RAD51D: variants seen among roughly 807,000 people sequenced by gnomAD.
The protein encoded by RAD51D is DNA repair protein RAD51 homolog 4.
RAD51D carries 38 observed loss-of-function variants against 44.1 expected under a neutral mutation model. The observed-to-expected ratio is 0.86, with a 90% CI of 0.67 to 1.13. The LOEUF (loss-of-function observed/expected upper bound fraction) is 1.13, where lower values mean the gene tolerates loss of function less well. Ranked by LOEUF, RAD51D falls within the 50% of genes most tolerant of loss-of-function variation. The pLI, the probability that RAD51D is intolerant of heterozygous loss-of-function variation, is 0.00. For synonymous variants in RAD51D, 141 were observed against 166.6 expected, an observed-to-expected ratio of 0.85 and a Z score of 1.18; for missense variants, 390 against 414.0, an observed-to-expected ratio of 0.94 and a Z score of 0.50.
At chr17:35,116,974 T>C (rs370773225) in intron 3 of RAD51D, 7 of 1,613,836 alleles carry the variant, frequency 4.3e-6, no homozygotes, top group Non-Finnish European at 5.9e-6. Context: ...CTCCACGATC[T>C]CCCTGCGGGG....
rs2091486341 is a variant in RAD51D at position 35,096,479 on chromosome 17, G to T, written c.*4474C>A. 6.6e-6 allele frequency: 1 copy of T among 152,190 alleles called. No individual in the cohort carries two copies. The highest frequency in any genetic ancestry group is 2.1e-4 in the South Asian group (1 of 4,830). The allele number at this position is 152,190 out of a possible 1,614,324, so 9.4% of individuals were successfully genotyped here. Reference sequence around the variant, plus strand: ...GCTTGAAGACAAAACCAACATAAAAGAACAGAGCAGAAGGATGCAAAGGCT... The same window carrying T: ...GCTTGAAGACAAAACCAACATAAAATAACAGAGCAGAAGGATGCAAAGGCT... On this transcript the variant is annotated 3_prime_UTR_variant, in exon 10 of 10. Transcript: ENST00000345365.
intron 3 of RAD51D, chr17:35,116,916 GT>G (rs2091756202): frequency 6.2e-7 from 1 of 1,608,514 alleles, no homozygotes; most frequent in African/African-American, 1.3e-5. Context: ...AAGTCCATCT[GT>G]TCCTCCATGC....
At chr17:35,108,025 T>C (rs899183845) in intron 3 of RAD51D, among the ~76,000 whole-genome samples, 1 of 151,890 alleles carries the variant, frequency 6.6e-6, no homozygotes, top group East Asian at 1.9e-4. Context: ...GCTGCAATTA[T>C]AGGCGTGAGT....
At position 35,118,638 on chromosome 17, in the gene RAD51D, C is replaced by T; in HGVS notation, c.145-19G>A. ...CCAGGGCCTGCCAAAGGGCCCCAGA[C>T]TGCTCAGCAACAAATTGCCCGTAGA... is the stretch of plus-strand genomic sequence containing the variant. On this transcript the variant is annotated intron_variant, in intron 2 of 9. Coordinates refer to ENST00000345365, the MANE Select transcript of RAD51D (RefSeq NM_002878.4). 2 of 1,598,220 alleles carry T rather than the reference C, an allele frequency of 1.3e-6. No individual in the cohort carries two copies. Among genetic ancestry groups the T allele is most frequent in the South Asian group, 2.2e-5 (2 of 90,770 alleles).
chr17:35,115,956 G>GGAAAGAAAGAAAGAAAGAAGGAAA (rs2091736044), intron 3 of RAD51D, among the ~76,000 whole-genome samples: 2 of 65,282 alleles, frequency 3.1e-5, no homozygotes, highest in African/African-American at 6.0e-5. Flanking sequence ...AAGGAAGAAA[G>GGAAAGAAAGAAAGAAAGAAGGAAA]GAAAGAAAGA....
chr17:35,101,308 G>A lies in RAD51D; in HGVS notation c.796C>T (p.Arg266Cys), dbSNP rs587781813. The change falls in exon 9 of 10, where the codon CGC (arginine) becomes TGC (cysteine). Residue 266 changes from arginine (R) to cysteine (C), a missense_variant. Arg to Cys is a radical substitution (Grantham distance 180, BLOSUM62 -3). Coordinates refer to ENST00000345365, the MANE Select transcript of RAD51D (RefSeq NM_002878.4). ...GTGCTGGGCACAAAGCTCCAGGAGCGTCCGAGGGCAGGTTTGAGCCTCCCG... is the reference window on the plus strand; with the variant it reads ...GTGCTGGGCACAAAGCTCCAGGAGCATCCGAGGGCAGGTTTGAGCCTCCCG... ...DSGRLKPALG[R>C]SWSFVPSTRI... 1.1e-4 allele frequency: 185 copies of A among 1,614,150 alleles called. 1 individual carries two copies. Among genetic ancestry groups the A allele is most frequent in the South Asian group, 8.1e-4 (74 of 91,088 alleles).
At position 35,119,345 on chromosome 17, in the gene RAD51D, G is replaced by T. The variant is rs1464917860; in HGVS notation, c.83-173C>A. ...CGGCGCGGTGCCCTGCACACAGTAG[G>T]AATCTCTACCCTGTTTTAGAGCTTG... On this transcript the variant is annotated intron_variant, in intron 1 of 9. Transcript: ENST00000345365. 20 of 893,514 alleles carry T rather than the reference G, an allele frequency of 2.2e-5. No individual in the cohort carries two copies. The Admixed American group carries it at 2.9e-4, about 13-fold the overall frequency. 55.3% of individuals were successfully genotyped at this position (893,514 alleles called of 1,614,324 possible). A position where few individuals can be genotyped will look rare whatever the true frequency, so the allele number is the denominator to read the frequency against.
rs1227023113 is a variant in RAD51D at position 35,119,786 on chromosome 17, A to G, written c.-173T>C. 32 of 732,682 alleles carry G rather than the reference A, an allele frequency of 4.4e-5. No homozygotes were observed. The highest frequency in any genetic ancestry group is 7.4e-5 in the Non-Finnish European group (31 of 417,158). 45.4% of individuals were successfully genotyped at this position (732,682 alleles called of 1,614,324 possible). On this transcript the variant is annotated 5_prime_UTR_variant, in exon 1 of 10. The change abolishes an upstream ATG in the 5' untranslated region. Coordinates refer to ENST00000345365, the MANE Select transcript of RAD51D (RefSeq NM_002878.4). ...GGCACCAAGGGTAGGGCTGGGGGTC[A>G]TCCGCCCGCCCGGGATCCGCCGGGA...
At chr17:35,107,189 A>T (rs2142434898) in intron 4 of RAD51D, 67 bp from the exon 5 acceptor site, 1 of 1,590,882 alleles carries the variant, frequency 6.3e-7, no homozygotes, top group Non-Finnish European at 8.6e-7. Context: ...TCCCCACCAA[A>T]CCTTGCCCAG....
rs2091469912 is a variant in RAD51D at position 35,093,650 on chromosome 17, A to G, written c.*7303T>C. On this transcript the variant is annotated 3_prime_UTR_variant, in exon 10 of 10. Transcript: ENST00000345365. ...AGAGCAGCTACGTGGAACCTAAGGC[A>G]TCTAACTCAGTAAAATATTGTAAAT... 6.6e-6 allele frequency: 1 copy of G among 152,252 alleles called. No homozygotes were observed. The highest frequency in any genetic ancestry group is 2.1e-4 in the South Asian group (1 of 4,828). 9.4% of individuals were successfully genotyped at this position (152,252 alleles called of 1,614,324 possible). A position where few individuals can be genotyped will look rare whatever the true frequency, so the allele number is the denominator to read the frequency against.
At position 35,096,327 on chromosome 17, in the gene RAD51D, T is replaced by C. The variant is rs1393118711; in HGVS notation, c.*4626A>G. 6.6e-6 allele frequency: 1 copy of C among 152,150 alleles called. No homozygotes were observed. Among genetic ancestry groups the C allele is most frequent in the Non-Finnish European group, 1.5e-5 (1 of 68,030 alleles). The allele number at this position is 152,150 out of a possible 1,614,324, so 9.4% of individuals were successfully genotyped here. A position where few individuals can be genotyped will look rare whatever the true frequency, so the allele number is the denominator to read the frequency against. ...TGGGATTACAGTCAGGAGCCACAGT[T>C]CCTGGCATGTTAACACCTTGTTCTT... On this transcript the variant is annotated 3_prime_UTR_variant, in exon 10 of 10. Transcript: ENST00000345365.
At chr17:35,107,301 G>A (rs2142435582) in intron 4 of RAD51D, 65 bp downstream of exon 4, 2 of 1,483,980 alleles carry the variant, frequency 1.3e-6, no homozygotes, top group Non-Finnish European at 1.9e-6. Flanking sequence ...CTCCCCCAGG[G>A]ACCCTGGGCT....
intron 3 of RAD51D, among the ~76,000 whole-genome samples, chr17:35,115,995 A>AAGAAAGAAAGAAAG (rs2091739718): frequency 1.3e-5 from 2 of 151,574 alleles, no homozygotes; most frequent in African/African-American, 4.8e-5. Context: ...GAAAGAAAGA[A>AAGAAAGAAAGAAAG]AGAAAGAAAG....
At chr17:35,104,371 T>A (rs2091574303) in intron 6 of RAD51D, among the ~76,000 whole-genome samples, 2 of 152,208 alleles carry the variant, frequency 1.3e-5, no homozygotes, top group African/African-American at 4.8e-5. Flanking sequence ...TCATCTTCCG[T>A]ATCTAAAATG....
At chr17:35,108,118 G>A (rs1479468346) in intron 3 of RAD51D, among the ~76,000 whole-genome samples, 1 of 151,086 alleles carries the variant, frequency 6.6e-6, no homozygotes, top group East Asian at 2.0e-4. Context: ...GGTGGCACAC[G>A]CCTGTAGTCC....
intron 3 of RAD51D, chr17:35,117,160 C>A: frequency 9.2e-7 from 1 of 1,082,790 alleles, no homozygotes; most frequent in Non-Finnish European, 1.3e-6. Flanking sequence ...TCCCCTACAC[C>A]CAACTAGAGG....
intron 3 of RAD51D, among the ~76,000 whole-genome samples, chr17:35,112,691 G>A (rs185833418): frequency 2.0e-4 from 30 of 152,274 alleles, no homozygotes; most frequent in Admixed American, 1.3e-3. Flanking sequence ...AAATGGTAGT[G>A]TTTTTTATTT....
intron 3 of RAD51D, chr17:35,113,593 TC>T (rs2142455082): frequency 2.3e-6 from 1 of 443,664 alleles, no homozygotes; most frequent in Non-Finnish European, 4.5e-6. Flanking sequence ...TTCCAGGGAC[TC>T]CCCATGATTA....
intron 3 of RAD51D, among the ~76,000 whole-genome samples, chr17:35,117,913 T>C (rs1405177088): frequency 3.3e-5 from 5 of 152,208 alleles, no homozygotes; most frequent in African/African-American, 7.2e-5. Context: ...CTTGCTCCTC[T>C]TAGGCTAAAC....
Sources: gnomAD v4.1 joint callset for allele counts (sites outside exome capture counted in the v4.1 genomes callset) on GRCh38, gnomAD v4.1.1 for gene constraint, MANE v1.5 for transcripts, NCBI Gene and HGNC (gene_info 2026-07-23, HGNC 2026-07-21) for gene names.